Variants in SMC1A observed in about 807,000 individuals in gnomAD.
The protein encoded by SMC1A is structural maintenance of chromosomes 1A.
In SMC1A, 4 loss-of-function variants were observed where a neutral mutation model predicts 94.5. The observed-to-expected ratio is 0.04, with a 90% confidence interval of 0.02 to 0.10. SMC1A has a LOEUF of 0.10. SMC1A is among the 10% of genes least tolerant of loss of function. The pLI, the probability that SMC1A is intolerant of heterozygous loss-of-function variation, is 1.00. For synonymous variants in SMC1A, 345 were observed against 347.7 expected, an observed-to-expected ratio of 0.99 and a Z score of 0.09; for missense variants, 304 against 989.0, an observed-to-expected ratio of 0.31 and a Z score of 9.29.
intron 3 of SMC1A, 43 bp from the exon 4 acceptor site, chrX:53,413,478 A>G: frequency 9.0e-7 from 1 of 1,115,561 alleles, no homozygotes. Flanking sequence ...ACCCCAGCCA[A>G]CCCAGTTCAC....
chrX:53,388,989 T>C (rs1281266902), intron 19 of SMC1A, among the ~76,000 whole-genome samples: 1 of 74,262 alleles, frequency 1.3e-5, no homozygotes, highest in African/African-American at 5.6e-5. Flanking sequence ...AGAGCAAGAC[T>C]CCATCTCAAA....
At position 53,377,463 on chromosome X, in the gene SMC1A, T is replaced by C. The variant is rs187544317; in HGVS notation, c.*2640A>G. ...GGGGGTGCAAGCAGGGAACTGCTGC[T>C]TCTCATTATAAGCCCTTCTGTACTA... On this transcript the variant is annotated 3_prime_UTR_variant, in exon 25 of 25. Coordinates refer to ENST00000322213, the MANE Select transcript of SMC1A (RefSeq NM_006306.4). 1 of 112,649 alleles carries C rather than the reference T, an allele frequency of 8.9e-6. No individual in the cohort carries two copies. Among genetic ancestry groups the C allele is most frequent in the African/African-American group, 3.2e-5 (1 of 30,995 alleles). 9.3% of individuals were successfully genotyped at this position (112,649 alleles called of 1,213,427 possible).
intron 19 of SMC1A, among the ~76,000 whole-genome samples, chrX:53,388,923 G>T (rs1556886768): frequency 9.5e-6 from 1 of 104,854 alleles, no homozygotes; most frequent in Non-Finnish European, 2.0e-5. Context: ...CATGAACCTG[G>T]GGGGCGGAGG....
In SMC1A at chrX:53,415,023, C is replaced by T; in HGVS notation, c.256G>A (p.Glu86Lys). Reference protein sequence around the residue: ...NRAFVSMVYSEEGAEDRTFAR... With the variant: ...NRAFVSMVYSKEGAEDRTFAR... ...AAGGTACGGTCCTCAGCACCCTCCTCAGAGTAGACCATGCTGACAAAGGCC... is the reference window on the plus strand; with the variant it reads ...AAGGTACGGTCCTCAGCACCCTCCTTAGAGTAGACCATGCTGACAAAGGCC... Residue 86 changes from glutamate (E) to lysine (K), a missense_variant, in exon 2 of 25, where the codon GAG (glutamate) becomes AAG (lysine). Glu to Lys is a moderately conservative substitution (Grantham distance 56). Transcript: ENST00000322213. The T allele has an allele frequency of 8.3e-7, 1 of 1,211,325 alleles. No individual in the cohort carries two copies. The highest frequency in any genetic ancestry group is 1.1e-6 in the Non-Finnish European group (1 of 895,411).
intron 1 of SMC1A, among the ~76,000 whole-genome samples, chrX:53,420,000 T>C (rs1439930549): frequency 1.8e-5 from 2 of 110,033 alleles, no homozygotes; most frequent in Non-Finnish European, 3.8e-5. Context: ...TTACTTTCAC[T>C]ACCACTTAGC....
rs2075651369 is a variant in SMC1A, at chrX:53,396,385, A to G, written c.2709-5T>C. Reference sequence around the variant, plus strand: ...TTCTGTAAATGGGTCATTTCCCTAAAAAAGGTCCAGGGGCTAGGTGAGACC... The same window carrying G: ...TTCTGTAAATGGGTCATTTCCCTAAGAAAGGTCCAGGGGCTAGGTGAGACC... On this transcript the variant is annotated splice_polypyrimidine_tract_variant and splice_region_variant and intron_variant, in intron 17 of 24. Transcript: ENST00000322213. The G allele has an allele frequency of 2.5e-6, 3 of 1,211,276 alleles. No homozygotes were observed. The highest frequency in any genetic ancestry group is 3.4e-6 in the Non-Finnish European group (3 of 895,395).
At chrX:53,381,810 C>T (rs887981998) in intron 22 of SMC1A, 14 of 246,305 alleles carry the variant, frequency 5.7e-5, no homozygotes, top group South Asian at 3.6e-4. Context: ...ATATAAGCTG[C>T]GGGAGTCAGA....
At chrX:53,406,010 AGGAATCC>A in intron 9 of SMC1A, 54 bp from the exon 10 acceptor site, 1 of 1,082,589 alleles carries the variant, frequency 9.2e-7, no homozygotes, top group East Asian at 3.0e-5. Flanking sequence ...AAGCTGGCTC[AGGAATCC>A]TAATTCCCAG....
chrX:53,408,095 G>A lies in SMC1A; in HGVS notation c.1545+967C>T, dbSNP rs782652695. 2.7e-5 allele frequency among the ~76,000 whole-genome samples: 3 copies of A among 111,942 alleles called. No individual in the cohort carries two copies. The South Asian group carries it at 1.1e-3, about 42-fold the overall frequency. The stretch of plus-strand genomic sequence containing the variant: ...TGTAACCCTACCACTTTGGGAGGCC[G>A]AGGCGGGCAGATCACTTGAGGTCAG... On this transcript the variant is annotated intron_variant, in intron 9 of 24. Coordinates refer to ENST00000322213, the MANE Select transcript of SMC1A (RefSeq NM_006306.4).
intron 19 of SMC1A, among the ~76,000 whole-genome samples, chrX:53,393,171 A>G (rs928405404): frequency 2.7e-5 from 3 of 111,676 alleles, no homozygotes; most frequent in East Asian, 2.8e-4. Context: ...CTTGAATCCA[A>G]TCAAACCCTA....
intron 7 of SMC1A, among the ~76,000 whole-genome samples, 192 bp from the exon 8 acceptor site, chrX:53,409,695 G>C (rs781855399): frequency 8.2e-5 from 9 of 110,396 alleles, no homozygotes; most frequent in Non-Finnish European, 1.5e-4. Context: ...CTAATGATGG[G>C]GGCCTCCCAG....
intron 19 of SMC1A, among the ~76,000 whole-genome samples, chrX:53,388,208 CAACA>C (rs2075613111): frequency 9.0e-6 from 1 of 111,363 alleles, no homozygotes; most frequent in Admixed American, 9.6e-5. Context: ...GCCGTAGCCA[CAACA>C]AACAAGCGAA....
chrX:53,416,218 G>A (rs1448060268), intron 1 of SMC1A, among the ~76,000 whole-genome samples: 13 of 103,745 alleles, frequency 1.3e-4, no homozygotes, highest in African/African-American at 4.6e-4. Context: ...CAGGAGAATC[G>A]CTTGAACCTG....
At chrX:53,411,666 G>A (rs1374804230) in intron 7 of SMC1A, 95 bp downstream of exon 7, 28 of 1,031,969 alleles carry the variant, frequency 2.7e-5, no homozygotes, top group Admixed American at 6.7e-5. Flanking sequence ...GACCGGAAAC[G>A]TTTCAGATTT....
Position 53,379,850 on chromosome X carries a change from T to C in SMC1A, c.*253A>G. ...GGTGATGAGGGGGAGGAAGGGGGTG[T>C]GTGTGATGAACAGATGGCCCTGTTC... On this transcript the variant is annotated 3_prime_UTR_variant, in exon 25 of 25. Coordinates refer to ENST00000322213, the MANE Select transcript of SMC1A (RefSeq NM_006306.4). 7.1e-6 allele frequency: 3 copies of C among 422,118 alleles called. No homozygotes were observed. The South Asian group carries it at 1.1e-4, about 16-fold the overall frequency. The allele number at this position is 422,118 out of a possible 1,213,427, so 34.8% of individuals were successfully genotyped here.
At chrX:53,404,853 G>A in intron 13 of SMC1A, 159 bp downstream of exon 13, 1 of 573,654 alleles carries the variant, frequency 1.7e-6, no homozygotes. Flanking sequence ...GCAGAGCCAA[G>A]CTCTGAACCC....
intron 22 of SMC1A, 52 bp from the exon 23 acceptor site, chrX:53,381,139 A>G: frequency 6.2e-5 from 25 of 406,422 alleles, no homozygotes; most frequent in Non-Finnish European, 8.5e-5. Context: ...GGGGGTGGCA[A>G]GGCGGGGTGG....
chrX:53,404,922 GA>G, intron 13 of SMC1A, 89 bp downstream of exon 13: 2 of 1,037,666 alleles, frequency 1.9e-6, no homozygotes, highest in South Asian at 4.0e-5. Context: ...AGGAGACGGG[GA>G]AGTGAAACAA....
chrX:53,420,836 C>T (rs1556891941), intron 1 of SMC1A, among the ~76,000 whole-genome samples: 2 of 111,906 alleles, frequency 1.8e-5, no homozygotes, highest in South Asian at 3.7e-4. Flanking sequence ...ACCAGTAAAA[C>T]GTTTCAAGGA....
Sources: allele counts gnomAD v4.1 joint callset (sites outside exome capture counted in the v4.1 genomes callset), GRCh38; gene constraint gnomAD v4.1.1; transcripts MANE v1.5; gene names NCBI Gene and HGNC (gene_info 2026-07-23, HGNC 2026-07-21).